The following GRB14 variants were observed in gnomAD, a reference collection of about 807,000 sequenced individuals.
GRB14 encodes the protein growth factor receptor bound protein 14.
GRB14 carries 38 observed loss-of-function variants against 69.1 expected under a neutral mutation model. The observed-to-expected ratio is 0.55, with a 90% CI of 0.42 to 0.72. The LOEUF is 0.72. Ranked by LOEUF, GRB14 falls within the 30% of genes least tolerant of loss-of-function variation. The pLI, the probability that GRB14 is intolerant of heterozygous loss-of-function variation, is 0.00. For synonymous variants in GRB14, 247 were observed against 241.3 expected (o/e 1.02, Z -0.22); for missense variants, 666 against 666.1 (o/e 1.00, Z 0.00).
chr2:164,573,791 A>G, intron 2 of GRB14: 2 of 1,612,754 alleles, frequency 1.2e-6, no homozygotes, highest in African/African-American at 2.7e-5. Flanking sequence ...CCAGTGTATC[A>G]GCATTAACAT....
intron 2 of GRB14, among the ~76,000 whole-genome samples, chr2:164,618,275 CT>C (rs148304939): frequency 0.098 from 14,321 of 145,768 alleles, 743 homozygotes; most frequent in Middle Eastern, 0.13. Context: ...CACCCGGCCT[CT>C]TTTTTTTTTT....
At chr2:164,593,490 T>G (rs1689714786) in intron 2 of GRB14, among the ~76,000 whole-genome samples, 1 of 152,166 alleles carries the variant, frequency 6.6e-6, no homozygotes, top group East Asian at 1.9e-4. Context: ...GCAAAAGTAT[T>G]TCTGAGTTGT....
chr2:164,612,001 G>C (rs182530173), intron 2 of GRB14, among the ~76,000 whole-genome samples: 325 of 152,206 alleles, frequency 2.1e-3, no homozygotes, highest in South Asian at 1.0e-2. Context: ...TAAAATTGTA[G>C]AGCTCTCAGG....
intron 2 of GRB14, among the ~76,000 whole-genome samples, chr2:164,558,698 T>A (rs949381056): frequency 6.6e-6 from 1 of 152,224 alleles, no homozygotes; most frequent in Non-Finnish European, 1.5e-5. Context: ...TATTTCAGGA[T>A]CTCATTTCAG....
chr2:164,521,105 C>G (rs1391845731), intron 6 of GRB14, among the ~76,000 whole-genome samples: 1 of 152,068 alleles, frequency 6.6e-6, no homozygotes, highest in African/African-American at 2.4e-5. Flanking sequence ...GGAACCAGCG[C>G]AAATCCCCAT....
At chr2:164,532,698 C>T (rs750885922) in intron 3 of GRB14, among the ~76,000 whole-genome samples, 2 of 152,122 alleles carry the variant, frequency 1.3e-5, no homozygotes, top group Non-Finnish European at 2.9e-5. Context: ...GGTGGAATCT[C>T]CCTAAGGTTC....
intron 6 of GRB14, among the ~76,000 whole-genome samples, chr2:164,520,460 G>A (rs1054053362): frequency 5.3e-5 from 8 of 151,980 alleles, no homozygotes; most frequent in South Asian, 2.1e-4. Flanking sequence ...AAGACTTCCC[G>A]ACTAAGAACC....
At chr2:164,600,651 A>C (rs1413223550) in intron 2 of GRB14, among the ~76,000 whole-genome samples, 1 of 152,194 alleles carries the variant, frequency 6.6e-6, no homozygotes, top group Non-Finnish European at 1.5e-5. Context: ...TACTCTAAGC[A>C]TGTGATATGC....
At chr2:164,553,711 T>C (rs1245210874) in intron 2 of GRB14, among the ~76,000 whole-genome samples, 1 of 152,154 alleles carries the variant, frequency 6.6e-6, no homozygotes, top group Non-Finnish European at 1.5e-5. Flanking sequence ...ACACCTGTAA[T>C]CCCAGCACTT....
chr2:164,595,924 G>C (rs1689769757), intron 2 of GRB14, among the ~76,000 whole-genome samples: 1 of 152,114 alleles, frequency 6.6e-6, no homozygotes, highest in Non-Finnish European at 1.5e-5. Context: ...AGGAGATCGA[G>C]ACCATCCTGG....
At chr2:164,502,864 C>T (rs1687093503) in intron 8 of GRB14, among the ~76,000 whole-genome samples, 1 of 151,818 alleles carries the variant, frequency 6.6e-6, no homozygotes, top group African/African-American at 2.4e-5. Context: ...ACTATTAATG[C>T]CATTATTAAT....
At chr2:164,545,349 G>A (rs1688348360) in intron 3 of GRB14, among the ~76,000 whole-genome samples, 1 of 152,074 alleles carries the variant, frequency 6.6e-6, no homozygotes, top group Non-Finnish European at 1.5e-5. Flanking sequence ...ATTAAATTAA[G>A]GATCTTGAAA....
At chr2:164,601,109 T>G (rs775703723) in intron 2 of GRB14, among the ~76,000 whole-genome samples, 2 of 152,164 alleles carry the variant, frequency 1.3e-5, no homozygotes, top group Non-Finnish European at 2.9e-5. Context: ...GATCTGTCAA[T>G]GAAAGTTAAT....
chr2:164,546,153 A>G (rs781603711), intron 3 of GRB14, among the ~76,000 whole-genome samples: 4 of 152,138 alleles, frequency 2.6e-5, no homozygotes, highest in Non-Finnish European at 5.9e-5. Context: ...TCTTCCATCA[A>G]TTTGAGCTGT....
intron 2 of GRB14, among the ~76,000 whole-genome samples, chr2:164,606,415 A>T (rs1690041813): frequency 6.6e-6 from 1 of 152,248 alleles, no homozygotes; most frequent in Admixed American, 6.5e-5. Flanking sequence ...CTTGGCGGGT[A>T]AATCTGTATT....
At chr2:164,524,471 T>A (rs1687718874) in intron 5 of GRB14, among the ~76,000 whole-genome samples, 1 of 152,160 alleles carries the variant, frequency 6.6e-6, no homozygotes. Flanking sequence ...AGATAACTAG[T>A]ATTCTTAATT....
At chr2:164,495,104 G>C (rs1559018180) in intron 12 of GRB14, among the ~76,000 whole-genome samples, 1 of 152,058 alleles carries the variant, frequency 6.6e-6, no homozygotes, top group Non-Finnish European at 1.5e-5. Context: ...ACCAAGCCCA[G>C]CTAATTTTTG....
intron 4 of GRB14, among the ~76,000 whole-genome samples, chr2:164,525,894 C>T (rs1687758341): frequency 6.6e-6 from 1 of 152,138 alleles, no homozygotes; most frequent in Non-Finnish European, 1.5e-5. Context: ...CCAGTTGTGA[C>T]AACCAAAAAT....
At chr2:164,564,747 G>T (rs1238390446) in intron 2 of GRB14, among the ~76,000 whole-genome samples, 1 of 152,152 alleles carries the variant, frequency 6.6e-6, no homozygotes, top group African/African-American at 2.4e-5. Flanking sequence ...TGGGCACGGT[G>T]GCTCATGTCT....
Sources: gnomAD v4.1 joint callset for allele counts (sites outside exome capture counted in the v4.1 genomes callset) on GRCh38, gnomAD v4.1.1 for gene constraint, MANE v1.5 for transcripts, NCBI Gene and HGNC (gene_info 2026-07-23, HGNC 2026-07-21) for gene names.